DIRAS2: variants seen among roughly 807,000 people sequenced by gnomAD.
DIRAS2 encodes the protein GTP-binding protein Di-Ras2.
A neutral mutation model predicts 13.9 loss-of-function variants in DIRAS2; 5 were observed. The observed-to-expected ratio is 0.36, with a 90% CI of 0.19 to 0.76. The LOEUF (loss-of-function observed/expected upper bound fraction) is 0.76. Among genes scored for constraint, DIRAS2 ranks in the 30% least tolerant of loss-of-function variants. DIRAS2 has a pLI of 0.53. For synonymous variants in DIRAS2, 111 were observed against 105.4 expected (o/e 1.05, Z -0.33); for missense variants, 191 against 263.0 (o/e 0.73, Z 1.89).
At chr9:90,616,655 T>G (rs1825172043) in intron 1 of DIRAS2, among the ~76,000 whole-genome samples, 1 of 142,994 alleles carries the variant, frequency 7.0e-6, no homozygotes, top group African/African-American at 2.6e-5. Context: ...GAGAATCACT[T>G]GAACCTGGGA....
intron 1 of DIRAS2, among the ~76,000 whole-genome samples, chr9:90,627,692 T>C (rs1273535213): frequency 6.6e-6 from 1 of 152,232 alleles, no homozygotes; most frequent in Non-Finnish European, 1.5e-5. Flanking sequence ...TTGTATGTTA[T>C]ATATATTTTA....
intron 1 of DIRAS2, among the ~76,000 whole-genome samples, chr9:90,621,717 C>T (rs1320291830): frequency 6.6e-6 from 1 of 152,140 alleles, no homozygotes; most frequent in Non-Finnish European, 1.5e-5. Context: ...CTTCTGATGT[C>T]CACAATTATA....
chr9:90,641,772 AAAT>A (rs1315358271), intron 1 of DIRAS2, among the ~76,000 whole-genome samples: 2 of 152,180 alleles, frequency 1.3e-5, no homozygotes, highest in Admixed American at 6.5e-5. Flanking sequence ...TCTTCCTCAA[AAAT>A]AATATTTTTG....
intron 1 of DIRAS2, among the ~76,000 whole-genome samples, chr9:90,639,768 T>C (rs147402189): frequency 0.013 from 2,005 of 152,348 alleles, 27 homozygotes; most frequent in East Asian, 0.024. Flanking sequence ...CTTTTGTCTT[T>C]CTGATAAAGA....
At chr9:90,614,722 G>A (rs1196421046) in intron 1 of DIRAS2, among the ~76,000 whole-genome samples, 2 of 152,124 alleles carry the variant, frequency 1.3e-5, no homozygotes, top group South Asian at 2.1e-4. Context: ...TCAAAATTAA[G>A]ATGATTATAT....
chr9:90,615,307 G>A (rs1012709423), intron 1 of DIRAS2, among the ~76,000 whole-genome samples: 3 of 152,086 alleles, frequency 2.0e-5, no homozygotes, highest in East Asian at 3.8e-4. Flanking sequence ...AAATCTGCTC[G>A]ATTCAATACT....
At chr9:90,614,733 A>C (rs1188586012) in intron 1 of DIRAS2, among the ~76,000 whole-genome samples, 1 of 152,236 alleles carries the variant, frequency 6.6e-6, no homozygotes, top group Non-Finnish European at 1.5e-5. Flanking sequence ...ATGATTATAT[A>C]AGCTTTATTT....
At chr9:90,637,666 A>C (rs1825383065) in intron 1 of DIRAS2, among the ~76,000 whole-genome samples, 1 of 152,176 alleles carries the variant, frequency 6.6e-6, no homozygotes, top group African/African-American at 2.4e-5. Context: ...TTTCTGTTAA[A>C]AGTGATTGGT....
intron 1 of DIRAS2, among the ~76,000 whole-genome samples, chr9:90,641,374 C>A (rs564155765): frequency 6.6e-6 from 1 of 152,130 alleles, no homozygotes; most frequent in South Asian, 2.1e-4. Flanking sequence ...GACAGCAATA[C>A]CCCCTCCTTT....
chr9:90,633,945 G>A (rs1825349108), intron 1 of DIRAS2, among the ~76,000 whole-genome samples: 1 of 152,170 alleles, frequency 6.6e-6, no homozygotes, highest in Admixed American at 6.5e-5. Flanking sequence ...TGGCTACATG[G>A]TACACAGTTT....
chr9:90,616,285 A>G (rs192472790), intron 1 of DIRAS2, among the ~76,000 whole-genome samples: 2 of 152,360 alleles, frequency 1.3e-5, no homozygotes, highest in African/African-American at 4.8e-5. Context: ...GCTTCCACTA[A>G]ACCAGGCTGT....
chr9:90,639,926 G>A (rs527773934), intron 1 of DIRAS2, among the ~76,000 whole-genome samples: 10 of 152,240 alleles, frequency 6.6e-5, no homozygotes, highest in South Asian at 2.1e-4. Flanking sequence ...TTAAATTACC[G>A]TCAATTGAGT....
intron 1 of DIRAS2, among the ~76,000 whole-genome samples, chr9:90,641,101 A>G (rs1170243825): frequency 6.6e-6 from 1 of 152,158 alleles, no homozygotes; most frequent in Non-Finnish European, 1.5e-5. Context: ...TACAATAAAT[A>G]ATTTTTTTAA....
chr9:90,614,305 A>AGT (rs1453589364), intron 1 of DIRAS2, among the ~76,000 whole-genome samples: 4 of 112,546 alleles, frequency 3.6e-5, no homozygotes, highest in East Asian at 2.6e-4. Context: ...TGGTCATCAT[A>AGT]ATGTGTGTGT....
At chr9:90,635,860 A>G (rs1206658784) in intron 1 of DIRAS2, among the ~76,000 whole-genome samples, 4 of 152,098 alleles carry the variant, frequency 2.6e-5, no homozygotes, top group Non-Finnish European at 5.9e-5. Flanking sequence ...TAAGTTTCCT[A>G]TTTAGTACGA....
rs1825102610 is a variant in DIRAS2 at position 90,610,574 on chromosome 9, A to T, written c.*2654T>A. ...CTGCTATGCCCATATGCAATGTAGGATGTGTTTTCAAGAACCACAGCTACA... is the reference window on the plus strand; with the variant it reads ...CTGCTATGCCCATATGCAATGTAGGTTGTGTTTTCAAGAACCACAGCTACA... On this transcript the variant is annotated 3_prime_UTR_variant, in exon 2 of 2. Transcript: ENST00000375765. 2.5e-6 allele frequency: 1 copy of T among 395,806 alleles called. No individual in the cohort carries two copies. Among genetic ancestry groups the T allele is most frequent in the African/African-American group, 2.1e-5 (1 of 48,574 alleles). 24.5% of individuals were successfully genotyped at this position (395,806 alleles called of 1,614,324 possible).
chr9:90,630,045 G>A (rs1174385990), intron 1 of DIRAS2, among the ~76,000 whole-genome samples: 1 of 152,096 alleles, frequency 6.6e-6, no homozygotes, highest in Admixed American at 6.5e-5. Context: ...TTCTTTCAGT[G>A]CTTATTTATG....
chr9:90,619,784 T>C (rs1182248676), intron 1 of DIRAS2, among the ~76,000 whole-genome samples: 5 of 152,098 alleles, frequency 3.3e-5, no homozygotes, highest in Non-Finnish European at 5.9e-5. Context: ...AGCCAAAAAG[T>C]GGAAACAGCA....
At chr9:90,641,867 G>A (rs979451245) in intron 1 of DIRAS2, among the ~76,000 whole-genome samples, 3 of 152,162 alleles carry the variant, frequency 2.0e-5, no homozygotes, top group Non-Finnish European at 4.4e-5. Flanking sequence ...AAAAGATAAC[G>A]AGGGCAAATA....
Sources: allele counts gnomAD v4.1 joint callset (sites outside exome capture counted in the v4.1 genomes callset), GRCh38; gene constraint gnomAD v4.1.1; transcripts MANE v1.5; gene names NCBI Gene and HGNC (gene_info 2026-07-23, HGNC 2026-07-21).